CPS1: variants seen among roughly 807,000 people sequenced by gnomAD.
CPS1 encodes carbamoyl-phosphate synthase [ammonia], mitochondrial.
A neutral mutation model predicts 174.6 loss-of-function variants in CPS1; 109 were observed. The observed-to-expected ratio is 0.62, with a 90% CI of 0.53 to 0.73. CPS1 has a LOEUF of 0.73. Among genes scored for constraint, CPS1 ranks in the 30% least tolerant of loss-of-function variants. The probability of loss-of-function intolerance (pLI) is 0.00; values close to 1 mark genes in which losing one functional copy is unlikely to be tolerated. For synonymous variants in CPS1, 637 were observed against 632.0 expected (o/e 1.01, Z -0.12); for missense variants, 1,689 against 1,821.9 (o/e 0.93, Z 1.33).
rs368729723 is a variant in CPS1 at position 210,485,155 on chromosome 2, C to T, written c.3+7389C>T. Among the ~76,000 whole-genome samples the T allele has an allele frequency of 8.9e-4, 135 of 151,134 alleles. 3 individuals carry two copies. The South Asian group carries it at 0.022, about 25-fold the overall frequency. On this transcript the variant is annotated intron_variant, in intron 1 of 38. Coordinates refer to the CPS1 transcript ENST00000430249. ...CTGAGGCAGGAGAATGGTGTGAACC[C>T]GGGAGGCGTGAGCTTGCAGTGAGCC...
rs773770987 is a variant in CPS1, at chr2:210,656,512, T to A, written c.3559-13T>A. 2 of 1,594,378 alleles carry A rather than the reference T, an allele frequency of 1.3e-6. No homozygotes were observed. Among genetic ancestry groups the A allele is most frequent in the South Asian group, 1.1e-5 (1 of 88,910 alleles). ...AACTTTTTCTAAAATCCTTTTTTTTTTTTTTTGGCCAGGTTATCTCTCATG... is the reference window on the plus strand; with the variant it reads ...AACTTTTTCTAAAATCCTTTTTTTTATTTTTTGGCCAGGTTATCTCTCATG... On this transcript the variant is annotated splice_polypyrimidine_tract_variant and intron_variant, in intron 29 of 37. Transcript: ENST00000233072.
chr2:210,579,895 C>T, intron 5 of CPS1, 125 bp downstream of exon 5: 2 of 784,354 alleles, frequency 2.5e-6, no homozygotes, highest in Non-Finnish European at 4.4e-6. Flanking sequence ...TGGCCAGCTT[C>T]TGCTATCTGG....
intron 33 of CPS1, among the ~76,000 whole-genome samples, chr2:210,667,876 A>G (rs193302025): frequency 4.5e-4 from 69 of 152,324 alleles, no homozygotes; most frequent in Non-Finnish European, 9.6e-4. Context: ...TCTCAGTAGA[A>G]TCCAGTTATG....
chr2:210,646,867 TCTCACGCTGGTTTACC>T (rs11269184), intron 25 of CPS1, among the ~76,000 whole-genome samples: 1,859 of 152,088 alleles, frequency 0.012, 30 homozygotes, highest in African/African-American at 0.043. Flanking sequence ...TTCCTCACCG[TCTCACGCTGGTTTACC>T]CTCACTGCTA....
chr2:210,675,204 A>G (rs1458186107), intron 35 of CPS1, among the ~76,000 whole-genome samples: 1 of 152,260 alleles, frequency 6.6e-6, no homozygotes, highest in Non-Finnish European at 1.5e-5. Context: ...TAGCTTAAGC[A>G]CAATTGAGAC....
At chr2:210,617,513 A>G (rs1197682446) in intron 21 of CPS1, 2 of 152,100 alleles carry the variant, frequency 1.3e-5, no homozygotes, top group East Asian at 3.9e-4. Context: ...CTATTTAGCA[A>G]TTGCAACATA....
At chr2:210,520,186 A>G (rs1447532155) in intron 1 of CPS1, among the ~76,000 whole-genome samples, 2 of 152,050 alleles carry the variant, frequency 1.3e-5, no homozygotes, top group South Asian at 2.1e-4. Flanking sequence ...TATAATTGAC[A>G]TCCAATAAAT....
chr2:210,513,620 T>C lies in CPS1; in HGVS notation c.3+35854T>C, dbSNP rs544407529. ...TTGTTGGATGCATAGTTTGCAAATA[T>C]TTTCTCCCATTCTGTAGGTTGTCTG... On this transcript the variant is annotated intron_variant, in intron 1 of 38. Coordinates refer to the CPS1 transcript ENST00000430249. 2.6e-5 allele frequency among the ~76,000 whole-genome samples: 4 copies of C among 152,134 alleles called. No individual in the cohort carries two copies. The East Asian group carries it at 7.7e-4, about 29-fold the overall frequency.
Position 210,576,314 on chromosome 2 carries a change from T to C in CPS1, c.237-32T>C, listed in dbSNP as rs13429555. 420 of 1,611,666 alleles carry C rather than the reference T, an allele frequency of 2.6e-4. 2 individuals are homozygous for C. In the African/African-American group the frequency reaches 5.2e-3, roughly 20 times the overall value. On this transcript the variant is annotated intron_variant, in intron 2 of 37. Transcript: ENST00000233072. ...TATAGCTTTGTAGTTACATACATTA[T>C]TTGCTGATAATTTTTTGGCATGTTT...
Position 210,602,327 on chromosome 2 carries a change from A to G in CPS1, c.1833A>G (p.Thr611=), listed in dbSNP as rs1698755963. Residue 611 remains threonine, a synonymous_variant, in exon 16 of 38, where the codon ACA becomes ACG. Coordinates refer to ENST00000233072, the MANE Select transcript of CPS1 (RefSeq NM_001875.5). The stretch of plus-strand genomic sequence containing the variant: ...GAGAGACTTTGATGGACCTCAGCAC[A>G]AAGGTATGTATTTTTGTAGACAATA... The part of the protein sequence containing the change: ...PNRETLMDLS[T]KAFAMTNQIL... 2 of 1,612,538 alleles carry G rather than the reference A, an allele frequency of 1.2e-6. No individual in the cohort carries two copies. The highest frequency in any genetic ancestry group is 1.7e-6 in the Non-Finnish European group (2 of 1,178,974).
chr2:210,676,511 A>G (rs1353857735), intron 36 of CPS1, among the ~76,000 whole-genome samples: 1 of 152,206 alleles, frequency 6.6e-6, no homozygotes, highest in Admixed American at 6.5e-5. Flanking sequence ...AGCGTTCTTG[A>G]GAAACCAACA....
At chr2:210,497,048 C>T (rs1695008286) in intron 1 of CPS1, among the ~76,000 whole-genome samples, 2 of 152,094 alleles carry the variant, frequency 1.3e-5, no homozygotes, top group South Asian at 4.1e-4. Flanking sequence ...GGAATTAGCT[C>T]TAATAAGCTC....
At chr2:210,675,431 G>A (rs763549435) in intron 35 of CPS1, among the ~76,000 whole-genome samples, 1 of 152,004 alleles carries the variant, frequency 6.6e-6, no homozygotes, top group Non-Finnish European at 1.5e-5. Flanking sequence ...GAATAATTGA[G>A]AAATTATTAA....
intron 33 of CPS1, 29 bp from the exon 34 acceptor site, chr2:210,668,155 CTA>C (rs763349059): frequency 3.3e-6 from 5 of 1,523,374 alleles, no homozygotes; most frequent in Non-Finnish European, 4.5e-6. Context: ...TTTGCATCCT[CTA>C]TTTTAATTTT....
At chr2:210,569,701 G>A (rs138616211) in intron 1 of CPS1, among the ~76,000 whole-genome samples, 277 of 152,076 alleles carry the variant, frequency 1.8e-3, no homozygotes, top group Middle Eastern at 3.4e-3. Flanking sequence ...GGTCTTATTG[G>A]CATATACATT....
intron 32 of CPS1, 72 bp downstream of exon 32, chr2:210,660,727 A>G (rs999819505): frequency 7.6e-6 from 11 of 1,455,574 alleles, no homozygotes; most frequent in African/African-American, 1.4e-5. Context: ...TGTCATCAAA[A>G]ATCTTGTTAC....
intron 21 of CPS1, among the ~76,000 whole-genome samples, chr2:210,628,459 A>T (rs1699758121): frequency 6.6e-6 from 1 of 152,170 alleles, no homozygotes; most frequent in South Asian, 2.1e-4. Flanking sequence ...TTCCTTCAAG[A>T]ACTAGAAAAA....
intron 21 of CPS1, among the ~76,000 whole-genome samples, chr2:210,628,295 A>G (rs1424163831): frequency 1.3e-5 from 2 of 152,150 alleles, no homozygotes; most frequent in African/African-American, 2.4e-5. Context: ...AAAACCCCAG[A>G]TAATAAAGAT....
chr2:210,512,004 G>C (rs1344877726), intron 1 of CPS1, among the ~76,000 whole-genome samples: 1 of 151,846 alleles, frequency 6.6e-6, no homozygotes, highest in African/African-American at 2.4e-5. Context: ...ATTGCCTCCT[G>C]ATATTTCCTT....
Sources: gnomAD v4.1 joint callset for allele counts (sites outside exome capture counted in the v4.1 genomes callset) on GRCh38, gnomAD v4.1.1 for gene constraint, MANE v1.5 for transcripts, NCBI Gene and HGNC (gene_info 2026-07-23, HGNC 2026-07-21) for gene names.